The following TRPV6 variants were observed in gnomAD, a reference collection of about 807,000 sequenced individuals.
The protein encoded by TRPV6 is transient receptor potential cation channel subfamily V member 6, also known as Alu-binding protein with zinc finger domain.
TRPV6 carries 39 observed loss-of-function variants against 79.0 expected under a neutral mutation model. The observed-to-expected ratio is 0.49, with a 90% CI of 0.38 to 0.64. The LOEUF (loss-of-function observed/expected upper bound fraction) is 0.64, where lower values mean the gene tolerates loss of function less well. Among genes scored for constraint, TRPV6 ranks in the 30% least tolerant of loss-of-function variants. TRPV6 has a pLI of 0.00. For missense variants in TRPV6, 813 were observed against 1,011.1 expected (o/e 0.80, Z 2.66); for synonymous variants, 373 against 391.9 (o/e 0.95, Z 0.57).
rs763240560 is a variant in TRPV6 at position 142,875,613 on chromosome 7, C to T, written c.1097G>A (p.Arg366Gln). The T allele has an allele frequency of 3.2e-5, 52 of 1,613,634 alleles. No individual in the cohort carries two copies. Among genetic ancestry groups the T allele is most frequent in the South Asian group, 2.0e-4 (18 of 91,042 alleles). ...GGCACCCAGCATGCAGAAGTACGGC[C>T]GCCCGTACCGCTTCCACTTGAGGCT... Residue 366 changes from arginine to glutamine, a missense_variant, in exon 8 of 15, where the codon CGG becomes CAG. By Grantham distance (43) the Arg-to-Gln change is conservative (BLOSUM62 1). Transcript: ENST00000359396.
intron 13 of TRPV6, among the ~76,000 whole-genome samples, chr7:142,872,874 C>T (rs1432155601): frequency 2.0e-5 from 3 of 152,162 alleles, no homozygotes; most frequent in Non-Finnish European, 4.4e-5. Context: ...TTCTACACAG[C>T]ATAGTTAAAT....
rs1274077965 is a variant in TRPV6, at chr7:142,876,830, GT to G, written c.614del (p.His205ProfsTer9). 1.2e-6 allele frequency: 2 copies of G among 1,614,090 alleles called. No individual in the cohort carries two copies. The highest frequency in any genetic ancestry group is 2.2e-5 in the South Asian group (2 of 91,074). On this transcript the variant is annotated frameshift_variant, in exon 5 of 15. Coordinates refer to ENST00000359396, the MANE Select transcript of TRPV6 (RefSeq NM_018646.6). LOFTEE classifies it high-confidence loss of function. The stretch of plus-strand genomic sequence containing the variant: ...TCACACAGGCAGCAAAGGACAAAGG[GT>G]GCTCCCCTGTGGACACAGAGAGATC...
Position 142,872,359 on chromosome 7 carries a change from G to T in TRPV6, c.2015+13C>A, listed in dbSNP as rs138534377. 3 of 1,613,068 alleles carry T rather than the reference G, an allele frequency of 1.9e-6. No individual in the cohort carries two copies. In the African/African-American group the frequency reaches 4.0e-5, roughly 22 times the overall value. On this transcript the variant is annotated intron_variant, in intron 14 of 14. Transcript: ENST00000359396. ...GGCTTCTCAGGGGACACCTACCCCC[G>T]CATATCACTCACCGCAGGAACCAGC...
chr7:142,874,328 T>C (rs1795007174), intron 11 of TRPV6, among the ~76,000 whole-genome samples, 163 bp downstream of exon 11: 1 of 151,846 alleles, frequency 6.6e-6, no homozygotes, highest in Non-Finnish European at 1.5e-5. Context: ...CTGAAAAGGG[T>C]TTCTACATTT....
intron 8 of TRPV6, 109 bp downstream of exon 8, chr7:142,875,359 T>C: frequency 1.5e-6 from 2 of 1,327,254 alleles, no homozygotes; most frequent in South Asian, 2.8e-5. Flanking sequence ...ACCCATATAT[T>C]TGAGATTAGA....
chr7:142,875,706 T>C (rs1795050221), intron 7 of TRPV6, 26 bp from the exon 8 acceptor site: 1 of 1,603,904 alleles, frequency 6.2e-7, no homozygotes, highest in Non-Finnish European at 8.5e-7. Flanking sequence ...AACAGGTGGC[T>C]CAGAGACCCT....
rs1394968185 is a variant in TRPV6 at position 142,875,885 on chromosome 7, T to A, written c.902A>T (p.Gln301Leu). 1.3e-6 allele frequency: 2 copies of A among 1,587,626 alleles called. No homozygotes were observed. The highest frequency in any genetic ancestry group is 4.5e-5 in the East Asian group (2 of 44,726). The change falls in exon 7 of 15, where the codon CAG (glutamine) becomes CTG (leucine). Residue 301 changes from glutamine to leucine, a missense_variant. Physicochemically the swap from Gln to Leu is moderately radical, Grantham distance 113. This residue lies in a region of TRPV6 where 555 missense variants were observed against 631.0 expected (regional missense o/e 0.88). Transcript: ENST00000359396. ...CGTCCACTGGGTGTGCTTCCGCTTC[T>A]GCATCAGGTGCTGAAACATCTAAGG... is the stretch of plus-strand genomic sequence containing the variant.
In TRPV6 at chr7:142,873,438, G is replaced by A; in HGVS notation, c.1908+10C>T. The A allele has an allele frequency of 6.2e-7, 1 of 1,612,034 alleles. No homozygotes were observed. The highest frequency in any genetic ancestry group is 8.5e-7 in the Non-Finnish European group (1 of 1,178,574). ...CTTGCCCTAACCCTCCCTGCCACCA[G>A]GGGGCTCACCTGGGCCCTCCACAGC... On this transcript the variant is annotated intron_variant, in intron 13 of 14. Transcript: ENST00000359396. This position sits in a 1 kb window ranked among gnomAD's most constrained non-coding sequence, Gnocchi z 4.8.
chr7:142,884,141 T>G (rs1346810524), intron 1 of TRPV6: 1 of 151,070 alleles, frequency 6.6e-6, no homozygotes, highest in Non-Finnish European at 1.5e-5. Context: ...CGACCTACTC[T>G]CTAACAACAA....
chr7:142,880,738 T>C (rs533128999), intron 1 of TRPV6: 9 of 152,256 alleles, frequency 5.9e-5, no homozygotes, highest in Non-Finnish European at 1.3e-4. Context: ...GACCCAGAGT[T>C]GCTAGAGTTA....
chr7:142,874,888 G>A lies in TRPV6; in HGVS notation c.1406+16C>T, dbSNP rs369552017. On this transcript the variant is annotated intron_variant, in intron 10 of 14. Transcript: ENST00000359396. ...CTGTTGAGGGAAGGGATGGGAGTGA[G>A]AGGAAGGAAACTCACATGAGGACAT... 1.4e-5 allele frequency: 22 copies of A among 1,613,952 alleles called. No individual in the cohort carries two copies. Among genetic ancestry groups the A allele is most frequent in the Non-Finnish European group, 1.8e-5 (21 of 1,179,958 alleles).
chr7:142,879,349 T>C (rs1466658942), intron 1 of TRPV6: 1 of 152,226 alleles, frequency 6.6e-6, no homozygotes, highest in African/African-American at 2.4e-5. Flanking sequence ...TCTTTATTCT[T>C]ATACCTACTG....
chr7:142,876,108 T>A, intron 6 of TRPV6: 1 of 680,722 alleles, frequency 1.5e-6, no homozygotes, highest in Non-Finnish European at 2.4e-6. Context: ...CCCTCCAGAG[T>A]TTGGAAAGGA....
At chr7:142,878,533 G>A in intron 1 of TRPV6, 1 of 165,986 alleles carries the variant, frequency 6.0e-6, no homozygotes, top group Non-Finnish European at 1.3e-5. Context: ...TTCTCCTGTT[G>A]CACCATCCTC....
At chr7:142,879,210 C>T (rs879594506) in intron 1 of TRPV6, 1 of 152,206 alleles carries the variant, frequency 6.6e-6, no homozygotes, top group African/African-American at 2.4e-5. Context: ...TGTCTTCGGA[C>T]CCTTCCTGGA....
At chr7:142,881,582 G>A (rs945189529) in intron 1 of TRPV6, 1 of 152,174 alleles carries the variant, frequency 6.6e-6, no homozygotes, top group African/African-American at 2.4e-5. Context: ...ATCTGAAACT[G>A]TAACAATATG....
intron 1 of TRPV6, chr7:142,883,645 A>C (rs1421484151): frequency 6.6e-6 from 1 of 151,926 alleles, no homozygotes; most frequent in Non-Finnish European, 1.5e-5. Flanking sequence ...TATTGTTCCT[A>C]TTTACTTAGT....
Position 142,877,237 on chromosome 7 carries a change from T to G in TRPV6, c.512A>C (p.Asn171Thr), listed in dbSNP as rs1412295169. ...GCGGGCAAGCAGGGCTCGCACCAGG[T>G]TCATGTTCTGGTTCACAACAGCGAT... Residue 171 changes from asparagine to threonine, a missense_variant, in exon 4 of 15, where the codon AAC (asparagine) becomes ACC (threonine). Physicochemically the swap from Asn to Thr is moderately conservative, Grantham distance 65 (BLOSUM62 0). Transcript: ENST00000359396. 4 of 1,614,034 alleles carry G rather than the reference T, an allele frequency of 2.5e-6. No individual in the cohort carries two copies. The highest frequency in any genetic ancestry group is 3.4e-6 in the Non-Finnish European group (4 of 1,180,026).
At chr7:142,879,216 C>T (rs4987641) in intron 1 of TRPV6, 148,523 of 152,312 alleles carry the variant, frequency 0.98, 72,424 homozygotes, top group East Asian at 0.99. Flanking sequence ...CGGACCCTTC[C>T]TGGATTTACC....
Sources: gnomAD v4.1 joint callset for allele counts (sites outside exome capture counted in the v4.1 genomes callset) on GRCh38, gnomAD v4.1.1 for gene constraint, gnomAD v4.1.1 regional missense constraint, Gnocchi (gnomAD v3.1) non-coding constraint, MANE v1.5 for transcripts, NCBI Gene and HGNC (gene_info 2026-07-23, HGNC 2026-07-21) for gene names.